LOC128462377: variants seen among roughly 807,000 people sequenced by gnomAD.
chr16:89,323,190 C>G, the LOC128462377 span: 15 of 684,552 alleles, frequency 2.2e-5, no homozygotes, highest in East Asian at 1.3e-4. Context: ...GCACACCTCA[C>G]AGGGAGAGAA....
At chr16:89,328,652 A>T in the LOC128462377 span, among the ~76,000 whole-genome samples, 92 of 148,036 alleles carry the variant, frequency 6.2e-4, no homozygotes, top group African/African-American at 2.3e-3. Context: ...GGGCGAAATC[A>T]GCGGAGGCCC....
chr16:89,327,005 G>GGT, the LOC128462377 span, among the ~76,000 whole-genome samples: 548 of 137,622 alleles, frequency 4.0e-3, 3 homozygotes, highest in Middle Eastern at 0.016. Context: ...GGAATGCAGA[G>GGT]GGGGAATGCA....
the LOC128462377 span, among the ~76,000 whole-genome samples, chr16:89,397,716 T>G: frequency 2.6e-5 from 4 of 152,362 alleles, no homozygotes; most frequent in East Asian, 7.7e-4. Flanking sequence ...GCTCTTGGAA[T>G]GTCAAGATGA....
chr16:89,393,693 G>T, the LOC128462377 span, among the ~76,000 whole-genome samples: 2 of 151,922 alleles, frequency 1.3e-5, no homozygotes, highest in Non-Finnish European at 2.9e-5. Context: ...ATTTGTAAGG[G>T]TTAGAAGGGG....
At chr16:89,399,317 G>A in the LOC128462377 span, among the ~76,000 whole-genome samples, 4 of 152,064 alleles carry the variant, frequency 2.6e-5, no homozygotes, top group East Asian at 3.8e-4. Context: ...TTAAACACCC[G>A]GCGTCCATCC....
chr16:89,386,619 G>A, the LOC128462377 span, among the ~76,000 whole-genome samples: 1 of 152,200 alleles, frequency 6.6e-6, no homozygotes, highest in African/African-American at 2.4e-5. Context: ...TACAGGACAC[G>A]AGTCAAGACA....
chr16:89,348,652 T>C, the LOC128462377 span, among the ~76,000 whole-genome samples: 1 of 152,252 alleles, frequency 6.6e-6, no homozygotes, highest in African/African-American at 2.4e-5. Flanking sequence ...AAGCTATCTA[T>C]TTCTTCTTCA....
At chr16:89,337,946 T>A in the LOC128462377 span, among the ~76,000 whole-genome samples, 26 of 152,306 alleles carry the variant, frequency 1.7e-4, no homozygotes, top group Middle Eastern at 6.8e-3. Flanking sequence ...CTGCTGAGCA[T>A]GAGGGTCCAG....
At chr16:89,336,863 C>T in the LOC128462377 span, among the ~76,000 whole-genome samples, 1 of 152,048 alleles carries the variant, frequency 6.6e-6, no homozygotes, top group African/African-American at 2.4e-5. Context: ...CGGTGGCTCA[C>T]GCCTGTAATC....
chr16:89,357,233 C>T, the LOC128462377 span, among the ~76,000 whole-genome samples: 3 of 152,092 alleles, frequency 2.0e-5, no homozygotes, highest in Non-Finnish European at 4.4e-5. Context: ...CTTCAACACA[C>T]CCAGGATTCA....
chr16:89,358,728 G>A, the LOC128462377 span, among the ~76,000 whole-genome samples: 1 of 152,182 alleles, frequency 6.6e-6, no homozygotes, highest in African/African-American at 2.4e-5. Context: ...CTGAGGACGG[G>A]ACATCTGCAC....
chr16:89,402,511 C>T, the LOC128462377 span, among the ~76,000 whole-genome samples: 2 of 151,906 alleles, frequency 1.3e-5, no homozygotes, highest in Non-Finnish European at 2.9e-5. Flanking sequence ...GAGACCCCGC[C>T]TCTAGAAAAA....
chr16:89,407,370 GACA>G, the LOC128462377 span, among the ~76,000 whole-genome samples: 1 of 152,126 alleles, frequency 6.6e-6, no homozygotes, highest in Admixed American at 6.5e-5. Flanking sequence ...TAAAGAAAGA[GACA>G]ACGAGATAAA....
chr16:89,374,077 G>C, the LOC128462377 span, among the ~76,000 whole-genome samples: 1 of 152,150 alleles, frequency 6.6e-6, no homozygotes, highest in Non-Finnish European at 1.5e-5. Flanking sequence ...CGCAGAGAGG[G>C]GTGTTAACCC....
the LOC128462377 span, among the ~76,000 whole-genome samples, chr16:89,357,088 G>C: frequency 6.6e-6 from 1 of 152,350 alleles, no homozygotes; most frequent in South Asian, 2.1e-4. Context: ...GGGCAGTGGT[G>C]GGGATGAGGA....
chr16:89,364,438 A>G, the LOC128462377 span, among the ~76,000 whole-genome samples: 5 of 152,356 alleles, frequency 3.3e-5, no homozygotes, highest in South Asian at 1.0e-3. Flanking sequence ...AAGCTGAAAT[A>G]TGGAAAGTTG....
chr16:89,358,560 T>C, the LOC128462377 span, among the ~76,000 whole-genome samples: 12 of 152,300 alleles, frequency 7.9e-5, no homozygotes, highest in African/African-American at 2.9e-4. Context: ...AAACATCTCA[T>C]GGACCCCATA....
chr16:89,404,572 T>C, the LOC128462377 span, among the ~76,000 whole-genome samples: 1 of 152,238 alleles, frequency 6.6e-6, no homozygotes, highest in Admixed American at 6.5e-5. Context: ...GAAAACACTG[T>C]TGACTCGCAA....
At chr16:89,364,057 G>A in the LOC128462377 span, among the ~76,000 whole-genome samples, 1 of 137,018 alleles carries the variant, frequency 7.3e-6, no homozygotes, top group Non-Finnish European at 1.6e-5. Context: ...CAAGTGACAC[G>A]CTGATTTAAA....
Sources: allele counts gnomAD v4.1 joint callset (sites outside exome capture counted in the v4.1 genomes callset), GRCh38; gene constraint gnomAD v4.1.1; transcripts MANE v1.5.